RASGRF2: variants seen among roughly 807,000 people sequenced by gnomAD.
RASGRF2 encodes ras-specific guanine nucleotide-releasing factor 2.
In RASGRF2, 76 loss-of-function variants were observed where a neutral mutation model predicts 151.0. The ratio of observed to expected loss-of-function variants is 0.50; its 90% CI spans 0.42 to 0.61. RASGRF2 has a LOEUF of 0.61. RASGRF2 is among the 20% of genes least tolerant of loss of function. The probability of loss-of-function intolerance (pLI) is 0.00; values close to 1 mark genes in which losing one functional copy is unlikely to be tolerated. For synonymous variants in RASGRF2, 504 were observed against 566.5 expected (o/e 0.89, Z 1.57); for missense variants, 1,148 against 1,564.6 (o/e 0.73, Z 4.49).
At chr5:81,052,221 A>G (rs934968164) in intron 2 of RASGRF2, among the ~76,000 whole-genome samples, 3 of 152,206 alleles carry the variant, frequency 2.0e-5, no homozygotes, top group Admixed American at 2.0e-4. Context: ...GCTTCATAAT[A>G]TAGTACTATA....
At chr5:81,172,126 C>G (rs1241726879) in intron 17 of RASGRF2, among the ~76,000 whole-genome samples, 2 of 152,054 alleles carry the variant, frequency 1.3e-5, no homozygotes, top group Non-Finnish European at 2.9e-5. Flanking sequence ...TTGGACTTCT[C>G]TGAGGCTCAG....
At chr5:81,079,690 AT>A (rs767232032) in intron 5 of RASGRF2, among the ~76,000 whole-genome samples, 4 of 151,790 alleles carry the variant, frequency 2.6e-5, no homozygotes, top group African/African-American at 4.8e-5. Context: ...TTCTCTCAAA[AT>A]TTTTGCTCTA....
intron 17 of RASGRF2, among the ~76,000 whole-genome samples, chr5:81,148,048 A>G (rs1214533277): frequency 6.6e-6 from 1 of 151,954 alleles, no homozygotes; most frequent in Non-Finnish European, 1.5e-5. Flanking sequence ...CCTGCAAGTG[A>G]TGTTCTTTTT....
intron 9 of RASGRF2, among the ~76,000 whole-genome samples, chr5:81,090,314 A>T (rs1441917699): frequency 6.6e-6 from 1 of 152,234 alleles, no homozygotes; most frequent in Non-Finnish European, 1.5e-5. Context: ...ATTAACAGAA[A>T]TTTTGTTGGA....
At chr5:81,109,494 A>G (rs1340047690) in intron 13 of RASGRF2, among the ~76,000 whole-genome samples, 2 of 152,144 alleles carry the variant, frequency 1.3e-5, no homozygotes, top group African/African-American at 4.8e-5. Context: ...GTGAAACCCC[A>G]TCTCTACTAA....
intron 1 of RASGRF2, among the ~76,000 whole-genome samples, chr5:80,994,411 A>G (rs1748764778): frequency 6.6e-6 from 1 of 151,778 alleles, no homozygotes; most frequent in African/African-American, 2.4e-5. Flanking sequence ...CAACGATCGA[A>G]CTCTACAATG....
chr5:81,077,349 G>T (rs1751969274), intron 5 of RASGRF2, among the ~76,000 whole-genome samples: 1 of 152,180 alleles, frequency 6.6e-6, no homozygotes. Flanking sequence ...GTGAGGCCAG[G>T]ATATTGAAAT....
intron 13 of RASGRF2, among the ~76,000 whole-genome samples, chr5:81,111,094 A>G (rs1752979992): frequency 6.6e-6 from 1 of 152,242 alleles, no homozygotes; most frequent in Non-Finnish European, 1.5e-5. Flanking sequence ...GAAAATAGAT[A>G]TATAATTTCA....
At chr5:81,190,154 T>G (rs1755125431) in intron 18 of RASGRF2, among the ~76,000 whole-genome samples, 1 of 152,160 alleles carries the variant, frequency 6.6e-6, no homozygotes, top group South Asian at 2.1e-4. Context: ...ACAAACAGAT[T>G]CCCCATGACA....
intron 17 of RASGRF2, among the ~76,000 whole-genome samples, chr5:81,175,724 C>T (rs1754758922): frequency 7.0e-6 from 1 of 142,674 alleles, no homozygotes; most frequent in African/African-American, 2.7e-5. Context: ...CATTGCACTC[C>T]AGCTTGGGCA....
rs248978 is a variant in RASGRF2 at position 81,133,431 on chromosome 5, G to T, written c.2686+6268G>T. Among the ~76,000 whole-genome samples, 1,235 of 152,302 alleles carry T rather than the reference G, an allele frequency of 8.1e-3. 8 individuals are homozygous for T. Among genetic ancestry groups the T allele is most frequent in the Non-Finnish European group, 0.014 (951 of 68,026 alleles). ...GCATAAAGTAGAAATATAAATGTGTGCATTTCAAATGGCTGCTGATACAGG... is the reference window on the plus strand; with the variant it reads ...GCATAAAGTAGAAATATAAATGTGTTCATTTCAAATGGCTGCTGATACAGG... On this transcript the variant is annotated intron_variant, in intron 17 of 26. Transcript: ENST00000265080.
At chr5:80,969,221 C>G (rs1165813186) in intron 1 of RASGRF2, among the ~76,000 whole-genome samples, 1 of 149,144 alleles carries the variant, frequency 6.7e-6, no homozygotes, top group African/African-American at 2.5e-5. Flanking sequence ...ATCTCTGCCT[C>G]CCAGGTTCAA....
In RASGRF2 at chr5:81,227,115, A is replaced by AT; in HGVS notation, c.*1349dup. ...TTTCCCTGAACCTGTTGCACCTGAC[A>AT]TTTTCTCTTAGCAGCATGAAACTTA... On this transcript the variant is annotated 3_prime_UTR_variant, in exon 27 of 27. Coordinates refer to ENST00000265080, the MANE Select transcript of RASGRF2 (RefSeq NM_006909.3). 1 of 152,340 alleles carries AT rather than the reference A, an allele frequency of 6.6e-6. No individual in the cohort carries two copies. The highest frequency in any genetic ancestry group is 1.9e-4 in the East Asian group (1 of 5,186). 9.4% of individuals were successfully genotyped at this position (152,340 alleles called of 1,614,324 possible).
chr5:81,072,119 T>C (rs1201660475), intron 4 of RASGRF2, among the ~76,000 whole-genome samples: 2 of 152,224 alleles, frequency 1.3e-5, no homozygotes, highest in African/African-American at 2.4e-5. Context: ...TAACAATGAA[T>C]GAATCGTTTC....
chr5:81,189,268 G>C (rs971680350), intron 18 of RASGRF2, among the ~76,000 whole-genome samples: 1 of 152,162 alleles, frequency 6.6e-6, no homozygotes, highest in Non-Finnish European at 1.5e-5. Flanking sequence ...TGACAAGTGG[G>C]TGAGATGCTG....
intron 1 of RASGRF2, among the ~76,000 whole-genome samples, chr5:80,974,608 C>T (rs78116651): frequency 0.012 from 1,854 of 152,260 alleles, 46 homozygotes; most frequent in African/African-American, 0.042. Flanking sequence ...CAGCTGAGGC[C>T]GCCAGACCAG....
intron 17 of RASGRF2, among the ~76,000 whole-genome samples, chr5:81,128,591 C>T (rs558105373): frequency 7.2e-5 from 11 of 152,140 alleles, no homozygotes; most frequent in Non-Finnish European, 1.2e-4. Flanking sequence ...GAGTACAATG[C>T]TAAAAGCATA....
intron 1 of RASGRF2, among the ~76,000 whole-genome samples, chr5:81,011,107 T>C (rs1276776427): frequency 2.6e-5 from 4 of 152,236 alleles, no homozygotes; most frequent in Non-Finnish European, 4.4e-5. Flanking sequence ...AATATATGGA[T>C]AAGAAGATAA....
Position 81,108,834 on chromosome 5 carries a change from CTGTGTGTGTGTGTGTGTG to C in RASGRF2, c.1756-132_1756-115del, listed in dbSNP as rs10606038. The stretch of plus-strand genomic sequence containing the variant: ...CATCAGTGTATAATATTTACCTACT[CTGTGTGTGTGTGTGTGTG>C]TGTGTGTGTGTGTGTGTGTGTGTGT... On this transcript the variant is annotated intron_variant, in intron 12 of 26. Coordinates refer to ENST00000265080, the MANE Select transcript of RASGRF2 (RefSeq NM_006909.3). Among the ~76,000 whole-genome samples the C allele has an allele frequency of 2.9e-4, 41 of 139,912 alleles. 2 individuals are homozygous for C. The South Asian group carries it at 3.0e-3, about 10-fold the overall frequency. The allele number at this position is 139,912 out of a possible 152,430, so 91.8% of individuals were successfully genotyped here.
Sources: allele counts gnomAD v4.1 joint callset (sites outside exome capture counted in the v4.1 genomes callset), GRCh38; gene constraint gnomAD v4.1.1; transcripts MANE v1.5; gene names NCBI Gene and HGNC (gene_info 2026-07-23, HGNC 2026-07-21).